The following AK7 variants were observed in gnomAD, a reference collection of about 807,000 sequenced individuals.
AK7 encodes ATP-AMP transphosphorylase 7.
AK7 carries 78 observed loss-of-function variants against 96.6 expected under a neutral mutation model. The ratio of observed to expected loss-of-function variants is 0.81; its 90% CI spans 0.67 to 0.97. AK7 has a LOEUF of 0.97. Among genes scored for constraint, AK7 ranks in the 50% least tolerant of loss-of-function variants. AK7 has a pLI of 0.00. For synonymous variants in AK7, 302 were observed against 317.2 expected (o/e 0.95, Z 0.51); for missense variants, 855 against 887.9 (o/e 0.96, Z 0.47).
Position 96,437,866 on chromosome 14 carries a change from C to A in AK7, c.641C>A (p.Ala214Asp). Residue 214 changes from alanine to aspartate, a missense_variant, in exon 6 of 18, where the codon GCT becomes GAT. By Grantham distance (126) the Ala-to-Asp change is moderately radical. Coordinates refer to ENST00000267584, the MANE Select transcript of AK7 (RefSeq NM_152327.5). ...ARKFAAYVVAAGLQYGAEGGM... is the reference protein window; with the variant it reads ...ARKFAAYVVADGLQYGAEGGM... ...AAATTTGCAGCATACGTAGTTGCTG[C>A]TGGACTCCAGTATGGAGCGGAAGGA... 1 of 1,612,764 alleles carries A rather than the reference C, an allele frequency of 6.2e-7. No individual in the cohort carries two copies.
chr14:96,453,356 T>C (rs1160868421), intron 10 of AK7, among the ~76,000 whole-genome samples: 2 of 152,194 alleles, frequency 1.3e-5, no homozygotes, highest in Non-Finnish European at 2.9e-5. Flanking sequence ...TGAGCAAGAC[T>C]GGACAAGAAT....
intron 12 of AK7, among the ~76,000 whole-genome samples, chr14:96,470,737 T>C (rs554316434): frequency 2.0e-5 from 3 of 152,342 alleles, no homozygotes; most frequent in African/African-American, 7.2e-5. Context: ...TCCAGCACCT[T>C]CTTTTAGTAA....
chr14:96,449,166 T>A (rs1329464896), intron 8 of AK7, among the ~76,000 whole-genome samples: 3 of 152,090 alleles, frequency 2.0e-5, no homozygotes, highest in Non-Finnish European at 2.9e-5. Flanking sequence ...AGGCCCCAGC[T>A]CCTACTACCA....
chr14:96,407,036 C>G (rs1437485787), intron 3 of AK7, among the ~76,000 whole-genome samples: 1 of 152,020 alleles, frequency 6.6e-6, no homozygotes, highest in East Asian at 1.9e-4. Flanking sequence ...TCCTACCTTG[C>G]CTTTCGCAGA....
chr14:96,463,861 A>G (rs1193045678), intron 12 of AK7, among the ~76,000 whole-genome samples: 1 of 152,092 alleles, frequency 6.6e-6, no homozygotes, highest in Non-Finnish European at 1.5e-5. Flanking sequence ...AAAAACTTAC[A>G]CAAAGTACAG....
intron 9 of AK7, among the ~76,000 whole-genome samples, chr14:96,450,569 CAAA>C (rs36081779): frequency 2.5e-4 from 37 of 147,858 alleles, no homozygotes; most frequent in Admixed American, 6.1e-4. Flanking sequence ...TCCATCACAA[CAAA>C]AAAAAAAAAA....
intron 2 of AK7, among the ~76,000 whole-genome samples, chr14:96,402,185 GCA>G (rs34222287): frequency 0.11 from 15,551 of 145,936 alleles, 802 homozygotes; most frequent in East Asian, 0.15. Context: ...ATACACAGAT[GCA>G]CACACACACA....
At chr14:96,439,521 G>A (rs1892838224) in intron 6 of AK7, among the ~76,000 whole-genome samples, 1 of 152,110 alleles carries the variant, frequency 6.6e-6, no homozygotes, top group African/African-American at 2.4e-5. Context: ...AAAATTAGCC[G>A]GGCATGGTGG....
At chr14:96,395,874 T>C (rs1183830514) in intron 1 of AK7, among the ~76,000 whole-genome samples, 14 of 132,074 alleles carry the variant, frequency 1.1e-4, no homozygotes, top group African/African-American at 3.6e-4. Flanking sequence ...TACAGTAGCA[T>C]GATCTTGGCT....
At chr14:96,404,046 A>C (rs1890561336) in intron 2 of AK7, among the ~76,000 whole-genome samples, 1 of 148,686 alleles carries the variant, frequency 6.7e-6, no homozygotes, top group Admixed American at 6.8e-5. Context: ...TGGGAGGCTG[A>C]GGTATGAGAA....
At chr14:96,437,204 AG>A (rs1892687260) in intron 5 of AK7, among the ~76,000 whole-genome samples, 1 of 152,164 alleles carries the variant, frequency 6.6e-6, no homozygotes, top group African/African-American at 2.4e-5. Context: ...AATAACTTAA[AG>A]AGTATAATTG....
chr14:96,446,629 C>G, intron 8 of AK7, 22 bp downstream of exon 8: 1 of 1,602,902 alleles, frequency 6.2e-7, no homozygotes. Flanking sequence ...TCATCCCATA[C>G]TTTGATGACA....
chr14:96,445,305 T>C (rs1232988129), intron 7 of AK7, among the ~76,000 whole-genome samples: 2 of 152,256 alleles, frequency 1.3e-5, no homozygotes, highest in Non-Finnish European at 2.9e-5. Flanking sequence ...CAGAGGTTTC[T>C]TTGAAGATTG....
At chr14:96,415,711 AATTTATT>A (rs1392601314) in intron 4 of AK7, among the ~76,000 whole-genome samples, 18 of 151,108 alleles carry the variant, frequency 1.2e-4, no homozygotes, top group African/African-American at 3.9e-4. Flanking sequence ...GGTAAATATT[AATTTATT>A]ATTAATAAAT....
At chr14:96,396,740 A>G (rs1319060773) in intron 1 of AK7, among the ~76,000 whole-genome samples, 6 of 152,236 alleles carry the variant, frequency 3.9e-5, no homozygotes, top group Non-Finnish European at 8.8e-5. Flanking sequence ...AAACGAATGA[A>G]ACTCTTAATC....
At chr14:96,424,943 T>C (rs1279762494) in intron 5 of AK7, among the ~76,000 whole-genome samples, 1 of 152,248 alleles carries the variant, frequency 6.6e-6, no homozygotes, top group Non-Finnish European at 1.5e-5. Context: ...ATGAGAAATA[T>C]GATCATATTA....
intron 5 of AK7, chr14:96,423,833 G>A (rs538015682): frequency 2.5e-6 from 2 of 786,206 alleles, no homozygotes; most frequent in Non-Finnish European, 4.6e-6. Flanking sequence ...GTGGTCTCCG[G>A]AGCGGTTGCT....
chr14:96,404,818 TCA>T lies in AK7; in HGVS notation c.358_359del (p.Thr120Ter). 1.2e-6 allele frequency: 2 copies of T among 1,611,044 alleles called. No individual in the cohort carries two copies. The highest frequency in any genetic ancestry group is 2.7e-5 in the African/African-American group (2 of 74,998). On this transcript the variant is annotated frameshift_variant, in exon 3 of 18. Transcript: ENST00000267584. LOFTEE classifies it high-confidence loss of function. The stretch of plus-strand genomic sequence containing the variant: ...GAGTGTGATGTTATTATTTATAACA[TCA>T]CTGAGAGCTCACAGCAAATGGAGGA...
At chr14:96,451,942 A>G (rs1395713906) in intron 10 of AK7, among the ~76,000 whole-genome samples, 1 of 152,190 alleles carries the variant, frequency 6.6e-6, no homozygotes, top group Non-Finnish European at 1.5e-5. Flanking sequence ...AAAGAAGAAT[A>G]TTAAATAGGT....
Sources: allele counts gnomAD v4.1 joint callset (sites outside exome capture counted in the v4.1 genomes callset), GRCh38; gene constraint gnomAD v4.1.1; transcripts MANE v1.5; gene names NCBI Gene and HGNC (gene_info 2026-07-23, HGNC 2026-07-21).